ATP8B4: variants seen among roughly 807,000 people sequenced by gnomAD.
ATP8B4 encodes probable phospholipid-transporting ATPase IM.
A neutral mutation model predicts 145.6 loss-of-function variants in ATP8B4; 133 were observed. The observed-to-expected ratio is 0.91, with a 90% CI of 0.79 to 1.05. ATP8B4 has a LOEUF of 1.05. Among genes scored for constraint, ATP8B4 ranks in the 50% least tolerant of loss-of-function variants. The pLI is 0.00. For missense variants in ATP8B4, 1,458 were observed against 1,425.2 expected (o/e 1.02, Z -0.37); for synonymous variants, 507 against 492.9 (o/e 1.03, Z -0.38).
intron 3 of ATP8B4, among the ~76,000 whole-genome samples, chr15:50,061,292 G>C (rs2053001193): frequency 6.6e-6 from 1 of 152,032 alleles, no homozygotes; most frequent in African/African-American, 2.4e-5. Flanking sequence ...GAAAATAAAG[G>C]AATCATGGAG....
intron 14 of ATP8B4, among the ~76,000 whole-genome samples, chr15:49,952,700 A>G (rs1489633148): frequency 1.3e-5 from 2 of 152,058 alleles, no homozygotes; most frequent in Admixed American, 1.3e-4. Context: ...ACATCTACCA[A>G]TTCACCCATC....
chr15:50,085,911 T>TTA (rs1436396650), intron 2 of ATP8B4, among the ~76,000 whole-genome samples: 1 of 92,046 alleles, frequency 1.1e-5, no homozygotes, highest in Non-Finnish European at 1.9e-5. Context: ...TCATATATAT[T>TTA]TATATATGAT....
chr15:50,018,957 C>T (rs1310491816), intron 6 of ATP8B4: 2 of 1,251,580 alleles, frequency 1.6e-6, no homozygotes, highest in African/African-American at 3.1e-5. Context: ...ATTAAACCCT[C>T]AGCTTTGTAC....
intron 21 of ATP8B4, 102 bp from the exon 22 acceptor site, chr15:49,898,353 G>A (rs1008960413): frequency 2.4e-6 from 3 of 1,235,528 alleles, no homozygotes; most frequent in Non-Finnish European, 3.3e-6. Context: ...TCATTTGTTT[G>A]CTAAACCATT....
chr15:49,966,483 A>G (rs918383501), intron 13 of ATP8B4, among the ~76,000 whole-genome samples: 19 of 152,164 alleles, frequency 1.2e-4, no homozygotes, highest in Non-Finnish European at 1.3e-4. Context: ...TTTTCCCCTC[A>G]CGGTGTAAAC....
intron 1 of ATP8B4, among the ~76,000 whole-genome samples, chr15:50,124,542 C>T (rs1354538345): frequency 6.6e-6 from 1 of 152,066 alleles, no homozygotes; most frequent in African/African-American, 2.4e-5. Context: ...AATAAAATTT[C>T]AGGAATTAAA....
At chr15:49,869,999 C>A (rs1218627895) in intron 25 of ATP8B4, among the ~76,000 whole-genome samples, 1 of 152,050 alleles carries the variant, frequency 6.6e-6, no homozygotes, top group Non-Finnish European at 1.5e-5. Context: ...GAGTTCTAAC[C>A]CCAGAAGTCT....
At chr15:49,923,291 C>T in intron 17 of ATP8B4, 88 bp downstream of exon 17, 1 of 889,120 alleles carries the variant, frequency 1.1e-6, no homozygotes. Context: ...GTAGTCAAAT[C>T]ATCTAGCTGC....
chr15:50,017,596 G>C (rs756598473), intron 6 of ATP8B4, among the ~76,000 whole-genome samples: 1 of 152,132 alleles, frequency 6.6e-6, no homozygotes, highest in South Asian at 2.1e-4. Flanking sequence ...ATTGCCTCTA[G>C]TGATAGTCTC....
intron 23 of ATP8B4, 93 bp from the exon 24 acceptor site, chr15:49,879,552 G>A: frequency 9.0e-7 from 1 of 1,113,210 alleles, no homozygotes; most frequent in African/African-American, 1.6e-5. Flanking sequence ...TCTGAGGTGG[G>A]TGGGAGTTGA....
At chr15:50,169,291 A>G (rs1595666170) in intron 1 of ATP8B4, among the ~76,000 whole-genome samples, 1 of 128,910 alleles carries the variant, frequency 7.8e-6, no homozygotes, top group East Asian at 2.1e-4. Context: ...AGCCTCCACC[A>G]CCTCCACTAG....
At chr15:49,900,363 T>TCCAAAC (rs1241738783) in intron 21 of ATP8B4, among the ~76,000 whole-genome samples, 2 of 152,202 alleles carry the variant, frequency 1.3e-5, no homozygotes, top group Non-Finnish European at 2.9e-5. Context: ...ACATTTATTG[T>TCCAAAC]CCAAACCCTA....
intron 23 of ATP8B4, chr15:49,895,232 T>C (rs562976650): frequency 1.0e-4 from 16 of 152,404 alleles, no homozygotes; most frequent in Non-Finnish European, 1.5e-4. Context: ...GTCAGCAGAT[T>C]GGACTTTACT....
At chr15:50,080,656 C>T (rs2054484324) in intron 2 of ATP8B4, among the ~76,000 whole-genome samples, 1 of 151,952 alleles carries the variant, frequency 6.6e-6, no homozygotes, top group Non-Finnish European at 1.5e-5. Context: ...TGGTCCCGAA[C>T]TCCTGGCCTC....
chr15:49,993,630 G>A (rs946654207), intron 9 of ATP8B4, among the ~76,000 whole-genome samples: 6 of 151,938 alleles, frequency 3.9e-5, no homozygotes, highest in African/African-American at 9.7e-5. Flanking sequence ...CCCTTAATTC[G>A]TCTATTCATT....
At chr15:50,038,340 C>T (rs1346258815) in intron 6 of ATP8B4, among the ~76,000 whole-genome samples, 3 of 152,188 alleles carry the variant, frequency 2.0e-5, no homozygotes, top group Non-Finnish European at 4.4e-5. Flanking sequence ...ATTCCACTAT[C>T]AAGTGAATAC....
chr15:50,070,219 T>C (rs1186121189), intron 3 of ATP8B4, among the ~76,000 whole-genome samples: 3 of 152,146 alleles, frequency 2.0e-5, no homozygotes, highest in African/African-American at 7.2e-5. Context: ...CATTTCCATC[T>C]GGAGTGATAT....
At chr15:50,138,557 C>T (rs959995396) in intron 1 of ATP8B4, among the ~76,000 whole-genome samples, 1 of 152,128 alleles carries the variant, frequency 6.6e-6, no homozygotes, top group East Asian at 1.9e-4. Context: ...GCACCACTGC[C>T]ACAACTTAAT....
Position 50,018,548 on chromosome 15 carries a change from C to T in ATP8B4, c.363-7631G>A, listed in dbSNP as rs940233441. ...TACCCGGAGTATATGGATATCTTCC[C>T]GTCAACAATGAAGAATACCTGCACT... On this transcript the variant is annotated intron_variant, in intron 6 of 27. Coordinates refer to ENST00000284509, the MANE Select transcript of ATP8B4 (RefSeq NM_024837.4). Among the ~76,000 whole-genome samples, 5 of 152,114 alleles carry T rather than the reference C, an allele frequency of 3.3e-5. No homozygotes were observed. The East Asian group carries it at 7.7e-4, about 23-fold the overall frequency.
Sources: gnomAD v4.1 joint callset for allele counts (sites outside exome capture counted in the v4.1 genomes callset) on GRCh38, gnomAD v4.1.1 for gene constraint, MANE v1.5 for transcripts, NCBI Gene and HGNC (gene_info 2026-07-23, HGNC 2026-07-21) for gene names.